AIM2: variants seen among roughly 807,000 people sequenced by gnomAD.
The protein encoded by AIM2 is absent in melanoma 2.
In AIM2, 30 loss-of-function variants were observed where a neutral mutation model predicts 27.7. The ratio of observed to expected loss-of-function variants is 1.08; its 90% CI spans 0.81 to 1.47. AIM2 has a LOEUF of 1.47. Ranked by LOEUF, AIM2 falls within the 40% of genes most tolerant of loss-of-function variation. The pLI is 0.00. For missense variants in AIM2, 358 were observed against 411.3 expected, an observed-to-expected ratio of 0.87 and a Z score of 1.12; for synonymous variants, 141 against 145.3, an observed-to-expected ratio of 0.97 and a Z score of 0.21.
chr1:159,134,048 T>G (rs1445873770), intron 1 of AIM2, among the ~76,000 whole-genome samples: 2 of 152,190 alleles, frequency 1.3e-5, no homozygotes, highest in African/African-American at 4.8e-5. Context: ...TTGGCCTTCT[T>G]CAAGTGTTTC....
At chr1:159,116,119 A>T (rs1257245652) in intron 1 of AIM2, among the ~76,000 whole-genome samples, 1 of 151,342 alleles carries the variant, frequency 6.6e-6, no homozygotes, top group East Asian at 1.9e-4. Context: ...AATGCAAATC[A>T]AAACCACAAT....
At chr1:159,065,876 AC>A in intron 4 of AIM2, 33 bp downstream of exon 4, 1 of 1,543,828 alleles carries the variant, frequency 6.5e-7, no homozygotes, top group Non-Finnish European at 8.7e-7. Context: ...CGTTATTCTT[AC>A]TAATCAATAT....
At chr1:159,124,135 A>G (rs1352382919) in intron 1 of AIM2, among the ~76,000 whole-genome samples, 1 of 152,042 alleles carries the variant, frequency 6.6e-6, no homozygotes, top group Non-Finnish European at 1.5e-5. Flanking sequence ...CTAATTATTA[A>G]TGCTTGTTCC....
At chr1:159,059,090 GA>G (rs1557887719), downstream of AIM2, among the ~76,000 whole-genome samples, 3 of 152,148 alleles carry the variant, frequency 2.0e-5, no homozygotes. Context: ...GCCCAATAAG[GA>G]AAAGAGACGT....
At chr1:159,130,649 CTCTT>C (rs2102049416) in intron 1 of AIM2, among the ~76,000 whole-genome samples, 1 of 152,144 alleles carries the variant, frequency 6.6e-6, no homozygotes, top group African/African-American at 2.4e-5. Context: ...CCTCTTCTCT[CTCTT>C]TCTCTCCACT....
At chr1:159,061,544 C>G (rs1432012049), downstream of AIM2, among the ~76,000 whole-genome samples, 1 of 151,228 alleles carries the variant, frequency 6.6e-6, no homozygotes, top group African/African-American at 2.4e-5. Context: ...AGGTGCCCAC[C>G]ACCGTGCCCG....
intron 1 of AIM2, among the ~76,000 whole-genome samples, chr1:159,104,750 G>A (rs1025636080): frequency 2.6e-5 from 4 of 152,156 alleles, no homozygotes; most frequent in African/African-American, 9.7e-5. Flanking sequence ...ACATGTGCTT[G>A]CATTATATTT....
chr1:159,135,594 G>A (rs1268204256), intron 1 of AIM2, among the ~76,000 whole-genome samples: 1 of 152,104 alleles, frequency 6.6e-6, no homozygotes, highest in Non-Finnish European at 1.5e-5. Flanking sequence ...ACCTTAAAAA[G>A]CACCGTTAGA....
chr1:159,103,381 C>CTTTTTTTT (rs11464359), intron 1 of AIM2, among the ~76,000 whole-genome samples: 1 of 149,604 alleles, frequency 6.7e-6, no homozygotes, highest in Non-Finnish European at 1.5e-5. Context: ...ACAATTCCCA[C>CTTTTTTTT]TTTTTTTTTT....
chr1:159,117,070 G>C (rs1396817802), intron 1 of AIM2, among the ~76,000 whole-genome samples: 1 of 152,094 alleles, frequency 6.6e-6, no homozygotes, highest in African/African-American at 2.4e-5. Flanking sequence ...TGAGTAAGTG[G>C]CCAGAAAATG....
chr1:159,071,434 C>T (rs1042529977), intron 2 of AIM2, among the ~76,000 whole-genome samples: 3 of 152,172 alleles, frequency 2.0e-5, no homozygotes, highest in African/African-American at 2.4e-5. Context: ...TAAGTATGTC[C>T]GTGGATAGAA....
At chr1:159,066,407 T>G in intron 3 of AIM2, 78 bp from the exon 4 acceptor site, 3 of 1,445,224 alleles carry the variant, frequency 2.1e-6, no homozygotes, top group Non-Finnish European at 1.9e-6. Flanking sequence ...CCTACAGTGC[T>G]AAACCTCAGA....
intron 1 of AIM2, among the ~76,000 whole-genome samples, chr1:159,135,893 AT>A (rs1286157641): frequency 2.6e-5 from 4 of 152,128 alleles, no homozygotes; most frequent in African/African-American, 9.7e-5. Context: ...CTCCCCAGGC[AT>A]TTGTTTTTAG....
At chr1:159,136,150 C>T (rs1210188170) in intron 1 of AIM2, among the ~76,000 whole-genome samples, 2 of 152,084 alleles carry the variant, frequency 1.3e-5, no homozygotes, top group Non-Finnish European at 2.9e-5. Context: ...ATTTAAAATA[C>T]ATTATGCATG....
At chr1:159,062,477 A>G (rs1425425271), downstream of AIM2, 9 of 581,166 alleles carry the variant, frequency 1.5e-5, no homozygotes, top group East Asian at 2.6e-4. Context: ...AGATAGTGGG[A>G]CTGTAATGAA....
chr1:159,113,718 T>A (rs749037309), intron 1 of AIM2, among the ~76,000 whole-genome samples: 2 of 152,240 alleles, frequency 1.3e-5, no homozygotes, highest in Non-Finnish European at 2.9e-5. Flanking sequence ...CTTACCTCAC[T>A]GGAATCTCCT....
chr1:159,108,228 G>A (rs1176641885), intron 1 of AIM2, among the ~76,000 whole-genome samples: 1 of 152,140 alleles, frequency 6.6e-6, no homozygotes, highest in African/African-American at 2.4e-5. Flanking sequence ...TTTCATACAA[G>A]GGATGAAGGG....
upstream of AIM2, among the ~76,000 whole-genome samples, chr1:159,144,512 G>A (rs1570987547): frequency 6.6e-6 from 1 of 152,246 alleles, no homozygotes; most frequent in East Asian, 1.9e-4. Context: ...AGGGCAGGAA[G>A]GGTGAAGTCA....
chr1:159,069,318 C>A (rs1333769713), intron 2 of AIM2, among the ~76,000 whole-genome samples: 1 of 152,040 alleles, frequency 6.6e-6, no homozygotes, highest in Non-Finnish European at 1.5e-5. Flanking sequence ...CATACAAATA[C>A]AAACATACAA....
Sources: allele counts gnomAD v4.1 joint callset (sites outside exome capture counted in the v4.1 genomes callset), GRCh38; gene constraint gnomAD v4.1.1; transcripts MANE v1.5; gene names NCBI Gene and HGNC (gene_info 2026-07-23, HGNC 2026-07-21).